KIF6: variants seen among roughly 807,000 people sequenced by gnomAD.
KIF6 encodes the protein kinesin family member 6.
KIF6 carries 106 observed loss-of-function variants against 112.7 expected under a neutral mutation model. That is an observed-to-expected ratio of 0.94 (90% confidence interval 0.80 to 1.11). The LOEUF (loss-of-function observed/expected upper bound fraction) is 1.11, where lower values mean the gene tolerates loss of function less well. Ranked by LOEUF, KIF6 falls within the 50% of genes least tolerant of loss-of-function variation. The probability of loss-of-function intolerance (pLI) is 0.00; values close to 1 mark genes in which losing one functional copy is unlikely to be tolerated. For missense variants in KIF6, 929 were observed against 964.0 expected, an observed-to-expected ratio of 0.96 and a Z score of 0.48; for synonymous variants, 339 against 339.9, an observed-to-expected ratio of 1.00 and a Z score of 0.03.
At chr6:39,558,122 C>T (rs1779820095) in intron 10 of KIF6, among the ~76,000 whole-genome samples, 1 of 152,046 alleles carries the variant, frequency 6.6e-6, no homozygotes, top group Non-Finnish European at 1.5e-5. Context: ...ATTCAAGTTA[C>T]TTTCCTTAAG....
rs141113918 is a variant in KIF6, at chr6:39,365,286, C to T, written c.1862-2768G>A. On this transcript the variant is annotated intron_variant, in intron 16 of 22. Transcript: ENST00000287152. ...AGTGTCTTATTTCATTATCTAAACA[C>T]AGGACATGCAGATACCATCAACATC... 4.6e-3 allele frequency among the ~76,000 whole-genome samples: 700 copies of T among 152,312 alleles called. 3 individuals carry two copies. The highest frequency in any genetic ancestry group is 0.015 in the African/African-American group (644 of 41,558).
intron 3 of KIF6, among the ~76,000 whole-genome samples, chr6:39,688,886 T>C (rs1380375669): frequency 6.6e-6 from 1 of 152,214 alleles, no homozygotes; most frequent in Non-Finnish European, 1.5e-5. Flanking sequence ...AGCTCAACAC[T>C]TAGAAATATA....
At chr6:39,448,321 C>A (rs1312379106) in intron 13 of KIF6, among the ~76,000 whole-genome samples, 1 of 152,028 alleles carries the variant, frequency 6.6e-6, no homozygotes, top group Non-Finnish European at 1.5e-5. Flanking sequence ...ATTACAGGCA[C>A]CTGCCACCAC....
At chr6:39,604,215 A>G (rs1782743900) in intron 6 of KIF6, among the ~76,000 whole-genome samples, 1 of 152,126 alleles carries the variant, frequency 6.6e-6, no homozygotes, top group Admixed American at 6.6e-5. Flanking sequence ...CTGGGTTGGC[A>G]TCTTGGCCTT....
chr6:39,587,449 T>C (rs966455180), intron 7 of KIF6, among the ~76,000 whole-genome samples: 2 of 152,218 alleles, frequency 1.3e-5, no homozygotes, highest in African/African-American at 4.8e-5. Context: ...CATATGTAAC[T>C]ATACCACTAG....
chr6:39,407,258 A>G (rs1213071173), intron 15 of KIF6, among the ~76,000 whole-genome samples: 4 of 152,220 alleles, frequency 2.6e-5, no homozygotes, highest in African/African-American at 4.8e-5. Flanking sequence ...CAAAAAATAC[A>G]TTGCTTCATA....
intron 13 of KIF6, among the ~76,000 whole-genome samples, chr6:39,481,806 G>A (rs1375097542): frequency 1.3e-5 from 2 of 152,028 alleles, no homozygotes; most frequent in African/African-American, 4.8e-5. Flanking sequence ...CCATCTGTGG[G>A]GATGACTTAC....
chr6:39,466,133 T>G (rs1270968321), intron 13 of KIF6, among the ~76,000 whole-genome samples: 4 of 152,198 alleles, frequency 2.6e-5, no homozygotes, highest in Admixed American at 6.5e-5. Context: ...GGGTCTCACG[T>G]GTGTAGTGTT....
chr6:39,470,598 C>CAT (rs1774065622), intron 13 of KIF6, among the ~76,000 whole-genome samples: 1 of 152,152 alleles, frequency 6.6e-6, no homozygotes, highest in African/African-American at 2.4e-5. Context: ...GAGAATGTTG[C>CAT]ATAGACACAG....
chr6:39,584,371 T>C (rs1233652869), intron 9 of KIF6, among the ~76,000 whole-genome samples: 1 of 121,618 alleles, frequency 8.2e-6, no homozygotes, highest in African/African-American at 3.1e-5. Context: ...TGAGCCAAGA[T>C]TGCACCACTG....
intron 11 of KIF6, 43 bp from the exon 12 acceptor site, chr6:39,544,736 A>G (rs771553714): frequency 2.4e-6 from 3 of 1,265,854 alleles, no homozygotes; most frequent in South Asian, 1.5e-5. Context: ...TCTCTAGTCC[A>G]AATTTCTTTG....
At chr6:39,588,415 A>G (rs1156513422) in intron 7 of KIF6, among the ~76,000 whole-genome samples, 2 of 152,004 alleles carry the variant, frequency 1.3e-5, no homozygotes, top group African/African-American at 4.8e-5. Context: ...GGGTTTTGCT[A>G]TGTTGGCCAG....
chr6:39,368,713 C>T (rs777082265), intron 16 of KIF6, among the ~76,000 whole-genome samples: 1 of 152,218 alleles, frequency 6.6e-6, no homozygotes, highest in Non-Finnish European at 1.5e-5. Context: ...TCTCCAGGGT[C>T]AGCCCACAGA....
At chr6:39,583,801 G>A (rs1781443468) in intron 9 of KIF6, among the ~76,000 whole-genome samples, 1 of 147,116 alleles carries the variant, frequency 6.8e-6, no homozygotes, top group Admixed American at 6.9e-5. Context: ...CTTAATTATG[G>A]AATTTGATAC....
At chr6:39,659,195 C>A (rs1044017233) in intron 3 of KIF6, among the ~76,000 whole-genome samples, 1 of 152,174 alleles carries the variant, frequency 6.6e-6, no homozygotes, top group Non-Finnish European at 1.5e-5. Context: ...AAGATGCATA[C>A]AATAGGACCA....
chr6:39,340,800 T>C (rs1763286762), intron 22 of KIF6, among the ~76,000 whole-genome samples: 1 of 152,096 alleles, frequency 6.6e-6, no homozygotes, highest in Non-Finnish European at 1.5e-5. Context: ...TGATCACATC[T>C]CTTATATGTA....
At chr6:39,355,083 G>T (rs559999014) in intron 19 of KIF6, among the ~76,000 whole-genome samples, 1 of 152,128 alleles carries the variant, frequency 6.6e-6, no homozygotes, top group African/African-American at 2.4e-5. Flanking sequence ...CTACTCAGGA[G>T]GCTGAGGCAG....
At chr6:39,590,615 C>T (rs1437624265) in intron 7 of KIF6, among the ~76,000 whole-genome samples, 1 of 151,808 alleles carries the variant, frequency 6.6e-6, no homozygotes, top group Non-Finnish European at 1.5e-5. Context: ...CCATGCCCAA[C>T]TAATTTTGTA....
chr6:39,535,519 T>G (rs1204586241), intron 13 of KIF6, among the ~76,000 whole-genome samples: 1 of 152,236 alleles, frequency 6.6e-6, no homozygotes, highest in Non-Finnish European at 1.5e-5. Context: ...CTAACTATCC[T>G]AAATATATAT....
Sources: gnomAD v4.1 joint callset for allele counts (sites outside exome capture counted in the v4.1 genomes callset) on GRCh38, gnomAD v4.1.1 for gene constraint, MANE v1.5 for transcripts, NCBI Gene and HGNC (gene_info 2026-07-23, HGNC 2026-07-21) for gene names.